The following NBEAL2 variants were observed in gnomAD, a reference collection of about 807,000 sequenced individuals.
NBEAL2 encodes the protein neurobeachin-like protein 2.
In NBEAL2, 160 loss-of-function variants were observed where a neutral mutation model predicts 299.8. That is an observed-to-expected ratio of 0.53 (90% CI 0.47 to 0.61). The LOEUF is 0.61. Among genes scored for constraint, NBEAL2 ranks in the 20% least tolerant of loss-of-function variants. The pLI is 0.00. For synonymous variants in NBEAL2, 1,493 were observed against 1,542.3 expected (o/e 0.97, Z 0.75); for missense variants, 3,112 against 3,649.0 (o/e 0.85, Z 3.79).
chr3:46,986,083 A>G (rs1438180722), intron 1 of NBEAL2, among the ~76,000 whole-genome samples: 1 of 152,164 alleles, frequency 6.6e-6, no homozygotes, highest in Non-Finnish European at 1.5e-5. Context: ...CCAGGGAGGC[A>G]GGACAGGCAG....
intron 52 of NBEAL2, 114 bp from the exon 53 acceptor site, chr3:47,008,875 C>G: frequency 2.0e-6 from 3 of 1,505,190 alleles, no homozygotes; most frequent in Non-Finnish European, 2.7e-6. Context: ...ATAAGAATTT[C>G]AATTTAACCA....
Position 47,003,992 on chromosome 3 carries a change from G to A in NBEAL2, c.5881+16G>A, listed in dbSNP as rs200059497. The A allele has an allele frequency of 3.8e-4, 612 of 1,611,602 alleles. No individual in the cohort carries two copies. Among genetic ancestry groups the A allele is most frequent in the Non-Finnish European group, 5.0e-4 (586 of 1,178,286 alleles). ...ACCGAGGAGGGTGCGTCCTGGTGGT[G>A]TGGTTTAGGAGGATGGCAGGGAATG... On this transcript the variant is annotated intron_variant, in intron 36 of 53. Coordinates refer to ENST00000450053, the MANE Select transcript of NBEAL2 (RefSeq NM_015175.3). The surrounding 1 kb of genome is among the most constrained non-coding windows in gnomAD (Gnocchi z 7.0).
In NBEAL2 at chr3:46,991,803, G is replaced by C; in HGVS notation, c.926-37G>C. ...AAGGAAGGCTTAAGGCTGCCTAGAG[G>C]GGTCTGGGCAGGGCCTGACCCTTGA... On this transcript the variant is annotated intron_variant, in intron 8 of 53. Transcript: ENST00000450053. This position sits in a 1 kb window ranked among gnomAD's most constrained non-coding sequence, Gnocchi z 6.2. 6.4e-7 allele frequency: 1 copy of C among 1,567,738 alleles called. No homozygotes were observed.
rs748251669 is a variant in NBEAL2, at chr3:47,000,185, G to A, written c.4086G>A (p.Arg1362=). The A allele has an allele frequency of 4.3e-6, 7 of 1,613,840 alleles. No individual in the cohort carries two copies. Among genetic ancestry groups the A allele is most frequent in the Non-Finnish European group, 5.9e-6 (7 of 1,179,888 alleles). ...FCTPFDLGLE[R]SSVGSGNTAG... is the part of the protein sequence containing the mutation. ...CGCCCTTTGACCTGGGCCTGGAACGGTCTAGTGTAGGATCAGGCAACACTG... is the reference window on the plus strand; with the variant it reads ...CGCCCTTTGACCTGGGCCTGGAACGATCTAGTGTAGGATCAGGCAACACTG... The change falls in exon 27 of 54, where the codon CGG becomes CGA. Residue 1362 remains arginine, a synonymous_variant. Transcript: ENST00000450053. The surrounding 1 kb of genome is among the most constrained non-coding windows in gnomAD (Gnocchi z 4.5).
chr3:46,997,781 T>C, intron 20 of NBEAL2, 87 bp downstream of exon 20: 2 of 1,413,456 alleles, frequency 1.4e-6, no homozygotes, highest in Admixed American at 2.9e-5. Context: ...CTGTCAGTCA[T>C]GAAGAACCTC....
At position 47,003,518 on chromosome 3, in the gene NBEAL2, G is replaced by A. The variant is rs950245566; in HGVS notation, c.5720+209G>A. 6.6e-5 allele frequency among the ~76,000 whole-genome samples: 10 copies of A among 152,172 alleles called. No individual in the cohort carries two copies. Among genetic ancestry groups the A allele is most frequent in the African/African-American group, 2.4e-4 (10 of 41,440 alleles). On this transcript the variant is annotated intron_variant, in intron 35 of 53. Coordinates refer to ENST00000450053, the MANE Select transcript of NBEAL2 (RefSeq NM_015175.3). This position sits in a 1 kb window ranked among gnomAD's most constrained non-coding sequence, Gnocchi z 7.0. The stretch of plus-strand genomic sequence containing the variant: ...GCTCTTTTAACAGCCAGGCACCTGA[G>A]GACAGCACTGAGAAACACAAACCAG...
At position 46,998,772 on chromosome 3, in the gene NBEAL2, C is replaced by A; in HGVS notation, c.3277C>A (p.Leu1093Ile). The A allele has an allele frequency of 6.4e-7, 1 of 1,572,746 alleles. No individual in the cohort carries two copies. ...ADDLRTVQTS[L>I]LGLAREFLVR... Reference sequence around the variant, plus strand: ...CGACCTACGCACCGTGCAGACCTCCCTCCTGGGCCTGGCGAGGGAGTTCCT... The same window carrying A: ...CGACCTACGCACCGTGCAGACCTCCATCCTGGGCCTGGCGAGGGAGTTCCT... Residue 1093 changes from leucine (L) to isoleucine (I), a missense_variant, in exon 23 of 54, where the codon CTC (leucine) becomes ATC (isoleucine). Physicochemically the swap from Leu to Ile is conservative, Grantham distance 5 (BLOSUM62 2). Coordinates refer to ENST00000450053, the MANE Select transcript of NBEAL2 (RefSeq NM_015175.3).
intron 6 of NBEAL2, among the ~76,000 whole-genome samples, chr3:46,990,997 G>C (rs150224052): frequency 6.6e-6 from 1 of 152,204 alleles, no homozygotes; most frequent in East Asian, 1.9e-4. Flanking sequence ...TCACCCTTAA[G>C]TCCCCCAAAG....
In NBEAL2 at chr3:46,989,218, G is replaced by A. The variant is rs757210430; in HGVS notation, c.352-42G>A. The A allele has an allele frequency of 2.6e-5, 42 of 1,612,558 alleles. No individual in the cohort carries two copies. Among genetic ancestry groups the A allele is most frequent in the South Asian group, 2.1e-4 (19 of 90,902 alleles). On this transcript the variant is annotated intron_variant, in intron 4 of 53. Coordinates refer to ENST00000450053, the MANE Select transcript of NBEAL2 (RefSeq NM_015175.3). This position sits in a 1 kb window ranked among gnomAD's most constrained non-coding sequence, Gnocchi z 5.5. The stretch of plus-strand genomic sequence containing the variant: ...AGAGGGTGTATGCAGGGAGGCAGGC[G>A]GTAGCCATGGCGGGGCTAACCCTCT...
Position 47,003,203 on chromosome 3 carries a change from GC to G in NBEAL2, c.5616del (p.Ser1873HisfsTer6). On this transcript the variant is annotated frameshift_variant, in exon 35 of 54. Transcript: ENST00000450053. LOFTEE classifies it high-confidence loss of function. This position sits in a 1 kb window ranked among gnomAD's most constrained non-coding sequence, Gnocchi z 7.0. ...GGTTCCCCTGACACCCACCGAGGAG[GC>G]CTCACTGCCTCTGGCAGTGACCAAA... ...GEVPLTPTEE[A>X]SLPLAVTKEA... 1 of 1,611,950 alleles carries G rather than the reference GC, an allele frequency of 6.2e-7. No individual in the cohort carries two copies. Among genetic ancestry groups the G allele is most frequent in the Non-Finnish European group, 8.5e-7 (1 of 1,178,906 alleles).
At chr3:46,984,493 TCTTCCTG>T (rs2035565993) in intron 1 of NBEAL2, among the ~76,000 whole-genome samples, 1 of 152,186 alleles carries the variant, frequency 6.6e-6, no homozygotes, top group African/African-American at 2.4e-5. Context: ...CAAAGTCCCA[TCTTCCTG>T]CTTCATCCCA....
At position 46,994,551 on chromosome 3, in the gene NBEAL2, A is replaced by T. The variant is rs2036335488; in HGVS notation, c.1294A>T (p.Met432Leu). 1 of 1,574,672 alleles carries T rather than the reference A, an allele frequency of 6.4e-7. No homozygotes were observed. The highest frequency in any genetic ancestry group is 1.4e-5 in the African/African-American group (1 of 74,032). ...THRLLQELLNMAVEGDHSMCP... is the reference protein window; with the variant it reads ...THRLLQELLNLAVEGDHSMCP... ...TCGGCTGTTGCAAGAGCTGCTCAAC[A>T]TGGTGAGGGAAGGGGCTTGGGACCA... The change falls in exon 12 of 54, where the codon ATG becomes TTG. Residue 432 changes from methionine to leucine, a missense_variant and splice_region_variant. Transcript: ENST00000450053.
chr3:46,999,139 C>T (rs1487861253), intron 24 of NBEAL2, 22 bp downstream of exon 24: 8 of 1,554,204 alleles, frequency 5.1e-6, no homozygotes, highest in Non-Finnish European at 7.0e-6. Flanking sequence ...CCACCCCCTC[C>T]CCTGGCATCC....
intron 6 of NBEAL2, among the ~76,000 whole-genome samples, chr3:46,990,396 C>G (rs548453632): frequency 6.6e-6 from 1 of 152,226 alleles, no homozygotes; most frequent in African/African-American, 2.4e-5. Context: ...AAATCCTACT[C>G]CTCCCACAGC....
chr3:46,979,909 G>C lies in NBEAL2; in HGVS notation c.48G>C (p.Ala16=). The change falls in exon 1 of 54, where the codon GCG becomes GCC. Residue 16 remains alanine (A), a synonymous_variant. Transcript: ENST00000450053. ...ACGAGTTGTGGCTGCTCTACTACGC[G>C]CAGGTGAGCCCGCCCCGCCCCGCGC... ...RLYELWLLYY[A]QKDLGYLQQW... is the part of the protein sequence containing the mutation. 2.3e-6 allele frequency: 1 copy of C among 427,108 alleles called. No homozygotes were observed. Among genetic ancestry groups the C allele is most frequent in the African/African-American group, 2.1e-5 (1 of 48,390 alleles). The allele number at this position is 427,108 out of a possible 1,614,324, so 26.5% of individuals were successfully genotyped here. A position where few individuals can be genotyped will look rare whatever the true frequency, so the allele number is the denominator to read the frequency against.
rs201388862 is a variant in NBEAL2 at position 46,999,626 on chromosome 3, C to A, written c.3704-4C>A. 1.1e-4 allele frequency: 174 copies of A among 1,609,650 alleles called. 1 individual carries two copies. The South Asian group carries it at 1.9e-3, about 17-fold the overall frequency. On this transcript the variant is annotated splice_polypyrimidine_tract_variant and splice_region_variant and intron_variant, in intron 25 of 53. Transcript: ENST00000450053. Reference sequence around the variant, plus strand: ...CCTCAGGTCCCCCCAACCCATCCCCCCAGATTGCCTGAACCTCTCAGATCT... The same window carrying A: ...CCTCAGGTCCCCCCAACCCATCCCCACAGATTGCCTGAACCTCTCAGATCT...
At position 46,992,543 on chromosome 3, in the gene NBEAL2, C is replaced by G; in HGVS notation, c.1101C>G (p.Pro367=). 6.3e-7 allele frequency: 1 copy of G among 1,598,314 alleles called. No homozygotes were observed. The highest frequency in any genetic ancestry group is 8.5e-7 in the Non-Finnish European group (1 of 1,172,938). Residue 367 remains proline (P), a synonymous_variant, in exon 10 of 54, where the codon CCC becomes CCG. Coordinates refer to ENST00000450053, the MANE Select transcript of NBEAL2 (RefSeq NM_015175.3). ...SDLATRLLTE[P]DVQKVLDQDT... ...TGGCTACCCGGTTACTGACTGAGCCCGATGTCCAAAAGGTACCATCCTGGG... is the reference window on the plus strand; with the variant it reads ...TGGCTACCCGGTTACTGACTGAGCCGGATGTCCAAAAGGTACCATCCTGGG...
chr3:46,981,984 G>C (rs943362127), intron 1 of NBEAL2: 2 of 152,358 alleles, frequency 1.3e-5, no homozygotes, highest in African/African-American at 4.8e-5. Flanking sequence ...TTGGAAGCCT[G>C]AGCAGACAGT....
Position 47,003,491 on chromosome 3 carries a change from T to G in NBEAL2, c.5720+182T>G, listed in dbSNP as rs1313456364. Among the ~76,000 whole-genome samples, 1 of 151,690 alleles carries G rather than the reference T, an allele frequency of 6.6e-6. No homozygotes were observed. Among genetic ancestry groups the G allele is most frequent in the African/African-American group, 2.4e-5 (1 of 41,248 alleles). The stretch of plus-strand genomic sequence containing the variant: ...GAGAGTCTCCTAACAGGGCTGAGAG[T>G]TGCTCTTTTAACAGCCAGGCACCTG... On this transcript the variant is annotated intron_variant, in intron 35 of 53. Coordinates refer to ENST00000450053, the MANE Select transcript of NBEAL2 (RefSeq NM_015175.3). The surrounding 1 kb of genome is among the most constrained non-coding windows in gnomAD (Gnocchi z 7.0).
Sources: gnomAD v4.1 joint callset for allele counts (sites outside exome capture counted in the v4.1 genomes callset) on GRCh38, gnomAD v4.1.1 for gene constraint, Gnocchi (gnomAD v3.1) non-coding constraint, MANE v1.5 for transcripts, NCBI Gene and HGNC (gene_info 2026-07-23, HGNC 2026-07-21) for gene names.